RARA: variants seen among roughly 807,000 people sequenced by gnomAD.
RARA encodes the protein PML-DDX5-RARA fusion.
A neutral mutation model predicts 42.8 loss-of-function variants in RARA; 5 were observed. The ratio of observed to expected loss-of-function variants is 0.12; its 90% CI spans 0.06 to 0.25. The LOEUF is 0.25. Among genes scored for constraint, RARA ranks in the 10% least tolerant of loss-of-function variants. The pLI is 1.00. For synonymous variants in RARA, 256 were observed against 259.5 expected, an observed-to-expected ratio of 0.99 and a Z score of 0.13; for missense variants, 402 against 628.7, an observed-to-expected ratio of 0.64 and a Z score of 3.86.
Position 40,354,513 on chromosome 17 carries a change from A to G in RARA, c.1012+7A>G. The stretch of plus-strand genomic sequence containing the variant: ...ATCTGCCTCATCTGCGGAGGTGGGC[A>G]GGGGGCCTGGGTCTGGGGGCTGGGC... On this transcript the variant is annotated splice_region_variant and intron_variant, in intron 7 of 8. Transcript: ENST00000254066. This position sits in a 1 kb window ranked among gnomAD's most constrained non-coding sequence, Gnocchi z 4.5. 1 of 1,024,728 alleles carries G rather than the reference A, an allele frequency of 9.8e-7. No homozygotes were observed. The highest frequency in any genetic ancestry group is 1.7e-5 in the African/African-American group (1 of 60,388). 63.5% of individuals were successfully genotyped at this position (1,024,728 alleles called of 1,614,324 possible).
rs1254340161 is a variant in RARA at position 40,351,411 on chromosome 17, G to A, written c.470-499G>A. ...GTCAGCTCCCCAGCTAATGGGCCAA[G>A]AGATTCTCCCCGCCAGGTCCCCCAC... On this transcript the variant is annotated intron_variant, in intron 4 of 8. Transcript: ENST00000254066. The surrounding 1 kb of genome is among the most constrained non-coding windows in gnomAD (Gnocchi z 4.1). The A allele has an allele frequency of 2.2e-6, 1 of 454,110 alleles. No individual in the cohort carries two copies. Among genetic ancestry groups the A allele is most frequent in the East Asian group, 7.1e-5 (1 of 14,016 alleles). 28.1% of individuals were successfully genotyped at this position (454,110 alleles called of 1,614,324 possible).
intron 1 of RARA, among the ~76,000 whole-genome samples, chr17:40,315,165 TATATATACAC>T (rs1347410487): frequency 2.5e-5 from 3 of 121,442 alleles, no homozygotes; most frequent in Admixed American, 7.9e-5. Flanking sequence ...TATATATATA[TATATATACAC>T]ACACACACAC....
At chr17:40,338,873 C>T (rs1355238637) in intron 2 of RARA, among the ~76,000 whole-genome samples, 1 of 152,024 alleles carries the variant, frequency 6.6e-6, no homozygotes, top group Non-Finnish European at 1.5e-5. Context: ...CCAAAATTAG[C>T]TGGGCATGCT....
Position 40,356,303 on chromosome 17 carries a change from G to T in RARA, c.*77G>T. The T allele has an allele frequency of 2.1e-6, 3 of 1,434,164 alleles. No homozygotes were observed. Among genetic ancestry groups the T allele is most frequent in the Non-Finnish European group, 2.9e-6 (3 of 1,047,704 alleles). The allele number at this position is 1,434,164 out of a possible 1,614,324, so 88.8% of individuals were successfully genotyped here. ...GCCTTTCTACCGACCATGTGACCCC[G>T]CACCAGCCCTGCCCCCACCTGCCCT... On this transcript the variant is annotated 3_prime_UTR_variant, in exon 9 of 9. Coordinates refer to ENST00000254066, the MANE Select transcript of RARA (RefSeq NM_000964.4).
chr17:40,353,261 C>T (rs757464208), intron 6 of RARA, among the ~76,000 whole-genome samples: 9 of 150,274 alleles, frequency 6.0e-5, no homozygotes, highest in Non-Finnish European at 1.0e-4. Context: ...GAGGTGAGCC[C>T]GAGGGTAGAC....
At chr17:40,335,157 G>A (rs901560157) in intron 2 of RARA, among the ~76,000 whole-genome samples, 22 of 152,182 alleles carry the variant, frequency 1.4e-4, no homozygotes, top group African/African-American at 5.1e-4. Context: ...TGTTTTGGGG[G>A]AATTAAATCC....
intron 1 of RARA, among the ~76,000 whole-genome samples, chr17:40,313,863 A>G (rs1027340255): frequency 2.6e-5 from 4 of 152,054 alleles, no homozygotes; most frequent in Non-Finnish European, 5.9e-5. Flanking sequence ...TGAGAAATCA[A>G]TAGTGCAAAT....
chr17:40,333,109 G>C (rs1214722877), intron 2 of RARA, among the ~76,000 whole-genome samples: 1 of 152,162 alleles, frequency 6.6e-6, no homozygotes, highest in African/African-American at 2.4e-5. Context: ...GAGTGCAGTG[G>C]TGCGATCTCG....
chr17:40,339,964 A>C (rs1359394885), intron 2 of RARA, among the ~76,000 whole-genome samples: 1 of 152,132 alleles, frequency 6.6e-6, no homozygotes, highest in Non-Finnish European at 1.5e-5. Context: ...CCCAGACCCC[A>C]GCATTCCATC....
intron 2 of RARA, chr17:40,342,817 G>T (rs370534498): frequency 2.5e-6 from 4 of 1,613,006 alleles, no homozygotes; most frequent in Middle Eastern, 1.7e-4. Flanking sequence ...CCCGCCCCGG[G>T]TCCGTACTCC....
chr17:40,324,287 C>A (rs527822601), intron 1 of RARA, among the ~76,000 whole-genome samples: 5 of 152,210 alleles, frequency 3.3e-5, no homozygotes, highest in Admixed American at 3.3e-4. Flanking sequence ...TCATCTCTTC[C>A]TCTTCCCATT....
At position 40,348,382 on chromosome 17, in the gene RARA, C is replaced by T. The variant is rs1294572459; in HGVS notation, c.245C>T (p.Pro82Leu). ...AGCCCTCCCTCGCCACCCCCTCTAC[C>T]CCGCATCTACAAGCCTTGCTTTGTC... ...VPSPPSPPPL[P>L]RIYKPCFVCQ... Residue 82 changes from proline (P) to leucine (L), a missense_variant, in exon 3 of 9, where the codon CCC becomes CTC. By Grantham distance (98) the Pro-to-Leu change is moderately conservative (BLOSUM62 -3). This residue lies in a region of RARA where 130 missense variants were observed against 267.9 expected (regional missense o/e 0.49). Coordinates refer to ENST00000254066, the MANE Select transcript of RARA (RefSeq NM_000964.4). 1 of 1,613,654 alleles carries T rather than the reference C, an allele frequency of 6.2e-7. No homozygotes were observed. Among genetic ancestry groups the T allele is most frequent in the East Asian group, 2.2e-5 (1 of 44,816 alleles).
rs1330336989 is a variant in RARA at position 40,320,304 on chromosome 17, C to CCT, written c.-362-10552_-362-10551dup. ...CCACCCTGGGACACCTTTTTAGTCC[C>CCT]CTTCCTACTCCCAACCTTGAGGCAG... is the stretch of plus-strand genomic sequence containing the variant. On this transcript the variant is annotated intron_variant, in intron 1 of 8. Transcript: ENST00000254066. This position sits in a 1 kb window ranked among gnomAD's most constrained non-coding sequence, Gnocchi z 4.1. Among the ~76,000 whole-genome samples the CCT allele has an allele frequency of 6.6e-6, 1 of 152,126 alleles. No homozygotes were observed. Among genetic ancestry groups the CCT allele is most frequent in the Non-Finnish European group, 1.5e-5 (1 of 68,014 alleles).
At position 40,320,244 on chromosome 17, in the gene RARA, CT is replaced by C. The variant is rs2033337812; in HGVS notation, c.-362-10612del. ...CCTCCTTCCTATAGCCCCTAAATCT[CT>C]ATCCCTTCAGTCTGACCCTAAATGC... On this transcript the variant is annotated intron_variant, in intron 1 of 8. Coordinates refer to ENST00000254066, the MANE Select transcript of RARA (RefSeq NM_000964.4). The surrounding 1 kb of genome is among the most constrained non-coding windows in gnomAD (Gnocchi z 4.1). Among the ~76,000 whole-genome samples, 1 of 152,246 alleles carries C rather than the reference CT, an allele frequency of 6.6e-6. No homozygotes were observed. The highest frequency in any genetic ancestry group is 2.1e-4 in the South Asian group (1 of 4,826).
chr17:40,313,032 T>C (rs989602686), intron 1 of RARA, among the ~76,000 whole-genome samples: 10 of 152,144 alleles, frequency 6.6e-5, no homozygotes. Context: ...TGTTTATAAG[T>C]CTCCATGTGG....
At chr17:40,344,835 A>C (rs1046728968) in intron 2 of RARA, among the ~76,000 whole-genome samples, 3 of 152,128 alleles carry the variant, frequency 2.0e-5, no homozygotes, top group Non-Finnish European at 4.4e-5. Flanking sequence ...AAGGACCCGG[A>C]GTCTGAGGGT....
chr17:40,331,851 C>T (rs1414928919), intron 2 of RARA, among the ~76,000 whole-genome samples: 1 of 152,126 alleles, frequency 6.6e-6, no homozygotes, highest in African/African-American at 2.4e-5. Context: ...AGGAGCAGAC[C>T]GAGGAAGGCT....
intron 3 of RARA, 118 bp downstream of exon 3, chr17:40,348,582 CTG>C: frequency 7.4e-7 from 1 of 1,350,780 alleles, no homozygotes; most frequent in Non-Finnish European, 9.8e-7. Flanking sequence ...TCTTCTTTCT[CTG>C]TGGAAGTTGG....
At chr17:40,349,628 C>A in intron 3 of RARA, 156 bp from the exon 4 acceptor site, 1 of 863,904 alleles carries the variant, frequency 1.2e-6, no homozygotes, top group Non-Finnish European at 1.8e-6. Flanking sequence ...TTAGGTGAAT[C>A]ATTCTCCCCA....
Sources: gnomAD v4.1 joint callset for allele counts (sites outside exome capture counted in the v4.1 genomes callset) on GRCh38, gnomAD v4.1.1 for gene constraint, gnomAD v4.1.1 regional missense constraint, Gnocchi (gnomAD v3.1) non-coding constraint, MANE v1.5 for transcripts, NCBI Gene and HGNC (gene_info 2026-07-23, HGNC 2026-07-21) for gene names.